CSMD1: variants seen among roughly 807,000 people sequenced by gnomAD.
CSMD1 encodes CUB and Sushi multiple domains 1.
CSMD1 carries 213 observed loss-of-function variants against 417.5 expected under a neutral mutation model. The observed-to-expected ratio is 0.51, with a 90% CI of 0.46 to 0.57. The LOEUF (loss-of-function observed/expected upper bound fraction) is 0.57, where lower values mean the gene tolerates loss of function less well. Among genes scored for constraint, CSMD1 ranks in the 20% least tolerant of loss-of-function variants. CSMD1 has a pLI of 0.00. For synonymous variants in CSMD1, 2,862 were observed against 1,736.8 expected (o/e 1.65, Z -16.11); for missense variants, 6,923 against 4,529.7 (o/e 1.53, Z -15.17).
chr8:3,661,049 C>G (rs1169933747), intron 7 of CSMD1, among the ~76,000 whole-genome samples: 1 of 152,158 alleles, frequency 6.6e-6, no homozygotes, highest in East Asian at 1.9e-4. Flanking sequence ...CACCGCTAAG[C>G]CTTGAAATGC....
At chr8:3,383,011 G>A (rs6981641) in intron 18 of CSMD1, among the ~76,000 whole-genome samples, 16,051 of 152,200 alleles carry the variant, frequency 0.11, 927 homozygotes, top group Middle Eastern at 0.14. Context: ...AATGAGAGGA[G>A]AAACAGGATC....
At chr8:2,949,677 A>AAG (rs1554469649) in intron 67 of CSMD1, among the ~76,000 whole-genome samples, 84,839 of 151,582 alleles carry the variant, frequency 0.56, 26,069 homozygotes, top group East Asian at 0.74. Context: ...TTTCTAAGGG[A>AAG]ACACAAACGT....
chr8:3,166,528 C>A (rs1030573571), intron 37 of CSMD1, among the ~76,000 whole-genome samples: 11 of 151,808 alleles, frequency 7.2e-5, no homozygotes, highest in Admixed American at 2.0e-4. Context: ...AGCGAGACTC[C>A]ATCTCAAAAA....
chr8:3,310,203 G>C (rs948466001), intron 23 of CSMD1, among the ~76,000 whole-genome samples: 1 of 152,180 alleles, frequency 6.6e-6, no homozygotes, highest in Non-Finnish European at 1.5e-5. Flanking sequence ...ATGCCAAGAA[G>C]ACAGGGCAGA....
At chr8:4,943,372 T>C (rs1489194253) in intron 1 of CSMD1, among the ~76,000 whole-genome samples, 1 of 151,904 alleles carries the variant, frequency 6.6e-6, no homozygotes, top group African/African-American at 2.4e-5. Context: ...GGTGGACGCC[T>C]GTAGTCCCAG....
chr8:4,024,215 C>T (rs1430820247), intron 4 of CSMD1, among the ~76,000 whole-genome samples: 1 of 151,990 alleles, frequency 6.6e-6, no homozygotes, highest in African/African-American at 2.4e-5. Flanking sequence ...ACATGGGAAA[C>T]AGAAGTGATG....
chr8:3,783,355 A>G (rs1337064472), intron 5 of CSMD1, among the ~76,000 whole-genome samples: 1 of 152,238 alleles, frequency 6.6e-6, no homozygotes, highest in African/African-American at 2.4e-5. Context: ...CAACTCTGTG[A>G]GCAAAGCACC....
intron 7 of CSMD1, among the ~76,000 whole-genome samples, chr8:3,706,050 C>T (rs372214659): frequency 4.6e-5 from 7 of 152,308 alleles, no homozygotes; most frequent in African/African-American, 7.2e-5. Context: ...ATGGTGGGAA[C>T]GCCTAAGGCA....
At chr8:3,899,034 C>T (rs1807553581) in intron 5 of CSMD1, among the ~76,000 whole-genome samples, 1 of 152,032 alleles carries the variant, frequency 6.6e-6, no homozygotes, top group African/African-American at 2.4e-5. Context: ...CGTACGCGTC[C>T]AGGAAAAGAA....
At chr8:4,972,430 G>C (rs1246547967) in intron 1 of CSMD1, among the ~76,000 whole-genome samples, 3 of 152,096 alleles carry the variant, frequency 2.0e-5, no homozygotes, top group African/African-American at 7.2e-5. Context: ...AGATTTAATG[G>C]TTTTATAAGT....
In CSMD1 at chr8:4,968,366, T is replaced by C. The variant is rs189492038; in HGVS notation, c.85+25966A>G. The stretch of plus-strand genomic sequence containing the variant: ...TCACCACTATCCACGTCCAAAACTT[T>C]TTCCTTACCCCCAACAGAAAATCTG... On this transcript the variant is annotated intron_variant, in intron 1 of 69. Coordinates refer to ENST00000635120, the MANE Select transcript of CSMD1 (RefSeq NM_033225.6). Among the ~76,000 whole-genome samples the C allele has an allele frequency of 3.1e-3, 466 of 152,152 alleles. 5 individuals carry two copies. Among genetic ancestry groups the C allele is most frequent in the African/African-American group, 0.011 (436 of 41,504 alleles).
chr8:3,250,391 T>C (rs561537618), intron 26 of CSMD1, among the ~76,000 whole-genome samples: 4 of 152,370 alleles, frequency 2.6e-5, no homozygotes, highest in African/African-American at 9.6e-5. Context: ...CATGAACTCA[T>C]TATTTTTTAT....
chr8:3,763,637 C>T (rs1351054241), intron 5 of CSMD1, among the ~76,000 whole-genome samples: 6 of 152,146 alleles, frequency 3.9e-5, no homozygotes, highest in Non-Finnish European at 8.8e-5. Flanking sequence ...ATTACCCAGT[C>T]TCAAGTATTC....
intron 2 of CSMD1, among the ~76,000 whole-genome samples, chr8:4,447,194 G>A (rs537018415): frequency 6.6e-6 from 1 of 152,244 alleles, no homozygotes; most frequent in Non-Finnish European, 1.5e-5. Context: ...CAATTATTAT[G>A]GATAAGGGAA....
intron 49 of CSMD1, among the ~76,000 whole-genome samples, chr8:3,061,476 A>G (rs1372537809): frequency 6.6e-6 from 1 of 152,222 alleles, no homozygotes; most frequent in Non-Finnish European, 1.5e-5. Flanking sequence ...CACCGTGGAT[A>G]TCCCCTTATG....
intron 37 of CSMD1, among the ~76,000 whole-genome samples, chr8:3,169,149 C>T (rs982155201): frequency 9.9e-5 from 15 of 152,112 alleles, no homozygotes; most frequent in Admixed American, 9.2e-4. Flanking sequence ...CAGGAAATGA[C>T]ATAGCCTCTG....
At chr8:3,360,964 T>C (rs1418761908) in intron 20 of CSMD1, among the ~76,000 whole-genome samples, 1 of 152,134 alleles carries the variant, frequency 6.6e-6, no homozygotes. Flanking sequence ...AACACTTCCT[T>C]CATCTCACTT....
chr8:3,275,465 A>C (rs1802209984), intron 26 of CSMD1, among the ~76,000 whole-genome samples: 1 of 152,040 alleles, frequency 6.6e-6, no homozygotes, highest in African/African-American at 2.4e-5. Context: ...CCTGAATGTG[A>C]ATGTTGACCT....
At chr8:3,153,288 G>T (rs942564067) in intron 39 of CSMD1, among the ~76,000 whole-genome samples, 2 of 152,178 alleles carry the variant, frequency 1.3e-5, no homozygotes, top group African/African-American at 4.8e-5. Flanking sequence ...ATAACCCACC[G>T]CTTGTTTAGC....
Sources: allele counts gnomAD v4.1 joint callset (sites outside exome capture counted in the v4.1 genomes callset), GRCh38; gene constraint gnomAD v4.1.1; transcripts MANE v1.5; gene names NCBI Gene and HGNC (gene_info 2026-07-23, HGNC 2026-07-21).